SLC38A1: variants seen among roughly 807,000 people sequenced by gnomAD.
The protein encoded by SLC38A1 is sodium-coupled neutral amino acid symporter 1.
In SLC38A1, 18 loss-of-function variants were observed where a neutral mutation model predicts 60.3. The ratio of observed to expected loss-of-function variants is 0.30; its 90% CI spans 0.21 to 0.44. SLC38A1 has a LOEUF of 0.44. Among genes scored for constraint, SLC38A1 ranks in the 20% least tolerant of loss-of-function variants. SLC38A1 has a pLI of 1.00. For synonymous variants in SLC38A1, 196 were observed against 212.1 expected (o/e 0.92, Z 0.66); for missense variants, 448 against 587.2 (o/e 0.76, Z 2.45).
intron 16 of SLC38A1, among the ~76,000 whole-genome samples, chr12:46,189,910 T>G (rs749323907): frequency 5.5e-4 from 83 of 152,292 alleles, no homozygotes; most frequent in Non-Finnish European, 9.7e-4. Flanking sequence ...TTAAACCTCT[T>G]TCCTTTATAA....
At position 46,239,701 on chromosome 12, in the gene SLC38A1, C is replaced by A. The variant is rs764994598; in HGVS notation, c.100G>T (p.Val34Leu). The change falls in exon 3 of 17, where the codon GTA becomes TTA. Residue 34 changes from valine (V) to leucine (L), a missense_variant. Physicochemically the swap from Val to Leu is conservative, Grantham distance 32. This residue lies in a region of SLC38A1 where 102 missense variants were observed against 89.7 expected (regional missense o/e 1.14). Coordinates refer to ENST00000398637, the MANE Select transcript of SLC38A1 (RefSeq NM_030674.4). ...ISNDSNDFTE[V>L]ENGQINSKFI... ...CACCTATTTATCTGACCATTTTCTA[C>A]TTCGGTGAAATCATTGGAGTCATTG... is the stretch of plus-strand genomic sequence containing the variant. 6.2e-7 allele frequency: 1 copy of A among 1,613,746 alleles called. No homozygotes were observed. Among genetic ancestry groups the A allele is most frequent in the Non-Finnish European group, 8.5e-7 (1 of 1,179,956 alleles).
intron 3 of SLC38A1, among the ~76,000 whole-genome samples, chr12:46,233,191 T>A (rs1022675229): frequency 2.0e-4 from 31 of 151,908 alleles, no homozygotes; most frequent in African/African-American, 6.3e-4. Flanking sequence ...GCTTATCTTT[T>A]AAAAAAAATT....
chr12:46,240,961 G>A (rs892442981), intron 2 of SLC38A1, among the ~76,000 whole-genome samples: 6 of 152,142 alleles, frequency 3.9e-5, no homozygotes, highest in South Asian at 2.1e-4. Flanking sequence ...GCAGCCTCAC[G>A]AATTAAAAAG....
At chr12:46,205,457 T>G (rs1298455557) in intron 9 of SLC38A1, among the ~76,000 whole-genome samples, 1 of 152,112 alleles carries the variant, frequency 6.6e-6, no homozygotes, top group African/African-American at 2.4e-5. Context: ...ATTTTATAGG[T>G]TTTTGACTAG....
At chr12:46,239,648 T>C (rs900919269) in intron 3 of SLC38A1, 31 bp downstream of exon 3, 2 of 1,611,410 alleles carry the variant, frequency 1.2e-6, no homozygotes, top group Non-Finnish European at 1.7e-6. Context: ...TTTCTTTCAC[T>C]GGATAGAAAT....
chr12:46,223,076 C>T (rs1001566685), intron 5 of SLC38A1, among the ~76,000 whole-genome samples: 1 of 152,106 alleles, frequency 6.6e-6, no homozygotes, highest in African/African-American at 2.4e-5. Context: ...TAAAGTTTTT[C>T]TCAAGTTGTA....
chr12:46,196,147 C>G lies in SLC38A1; in HGVS notation c.1362+1573G>C, dbSNP rs754934345. The G allele has an allele frequency of 3.9e-6, 6 of 1,535,908 alleles. No homozygotes were observed. The South Asian group carries it at 7.1e-5, about 18-fold the overall frequency. On this transcript the variant is annotated intron_variant, in intron 16 of 16. Coordinates refer to ENST00000398637, the MANE Select transcript of SLC38A1 (RefSeq NM_030674.4). ...ACAGACTAATACAGATTACTAAATCCAGAATCCAGAGAACACAAGATTATA... is the reference window on the plus strand; with the variant it reads ...ACAGACTAATACAGATTACTAAATCGAGAATCCAGAGAACACAAGATTATA...
intron 3 of SLC38A1, among the ~76,000 whole-genome samples, chr12:46,235,617 A>T (rs1472566473): frequency 6.6e-6 from 1 of 152,164 alleles, no homozygotes; most frequent in Non-Finnish European, 1.5e-5. Flanking sequence ...TGAATACAGA[A>T]AGAAGTTATG....
In SLC38A1 at chr12:46,209,581, C is replaced by T. The variant is rs1248148578; in HGVS notation, c.315-454G>A. ...CATTCCCATCTCTGGATTCCTTGCCCATAATATAAAGATACAAGCCAAATG... is the reference window on the plus strand; with the variant it reads ...CATTCCCATCTCTGGATTCCTTGCCTATAATATAAAGATACAAGCCAAATG... On this transcript the variant is annotated intron_variant, in intron 5 of 16. Coordinates refer to ENST00000398637, the MANE Select transcript of SLC38A1 (RefSeq NM_030674.4). Among the ~76,000 whole-genome samples, 3 of 152,144 alleles carry T rather than the reference C, an allele frequency of 2.0e-5. No individual in the cohort carries two copies. In the East Asian group the frequency reaches 5.8e-4, roughly 29 times the overall value.
intron 2 of SLC38A1, among the ~76,000 whole-genome samples, chr12:46,242,767 G>A (rs1941488477): frequency 2.0e-5 from 3 of 152,038 alleles, no homozygotes; most frequent in Admixed American, 2.0e-4. Flanking sequence ...ATGCCACTGT[G>A]CTCCAACCTG....
chr12:46,211,439 C>T (rs2137332807), intron 5 of SLC38A1, among the ~76,000 whole-genome samples: 1 of 152,260 alleles, frequency 6.6e-6, no homozygotes, highest in African/African-American at 2.4e-5. Flanking sequence ...TACAAAAGGC[C>T]CTAACCCTGG....
chr12:46,249,513 C>CA (rs1192019602), intron 1 of SLC38A1, among the ~76,000 whole-genome samples: 2 of 151,752 alleles, frequency 1.3e-5, no homozygotes, highest in East Asian at 1.9e-4. Flanking sequence ...GATAGAGATA[C>CA]AAAAAAACCC....
intron 5 of SLC38A1, among the ~76,000 whole-genome samples, chr12:46,216,597 T>A (rs1317006732): frequency 6.6e-6 from 1 of 152,128 alleles, no homozygotes; most frequent in Non-Finnish European, 1.5e-5. Flanking sequence ...ACACCTGTAA[T>A]CCCAGCACTT....
chr12:46,229,077 AT>A, intron 5 of SLC38A1, 75 bp downstream of exon 5: 2 of 773,506 alleles, frequency 2.6e-6, no homozygotes, highest in Non-Finnish European at 4.2e-6. Context: ...AATATTTCAC[AT>A]TTCTTCTATG....
chr12:46,227,696 C>T, intron 5 of SLC38A1, among the ~76,000 whole-genome samples: 1 of 152,014 alleles, frequency 6.6e-6, no homozygotes, highest in African/African-American at 2.4e-5. Flanking sequence ...GAACATATTC[C>T]CAGCTTTGGA....
rs1478588904 is a variant in SLC38A1 at position 46,239,758 on chromosome 12, T to G, written c.43A>C (p.Asn15His). 6.2e-7 allele frequency: 1 copy of G among 1,613,504 alleles called. No homozygotes were observed. Among genetic ancestry groups the G allele is most frequent in the Non-Finnish European group, 8.5e-7 (1 of 1,179,974 alleles). The change falls in exon 3 of 17, where the codon AAC (asparagine) becomes CAC (histidine). Residue 15 changes from asparagine (N) to histidine (H), a missense_variant. Around this residue, in one of 2 missense-constraint regions of SLC38A1, gnomAD observed 102 missense variants for 89.7 expected, o/e 1.14. Transcript: ENST00000398637. The part of the protein sequence containing the change: ...KSGLELTELQ[N>H]MTVPEDDNIS... Reference sequence around the variant, plus strand: ...TTATCATCCTCGGGCACTGTCATGTTTTGCAACTCAGTTAATTCGAGTCCA... The same window carrying G: ...TTATCATCCTCGGGCACTGTCATGTGTTGCAACTCAGTTAATTCGAGTCCA...
At chr12:46,196,325 A>G in intron 16 of SLC38A1, 1 of 1,532,032 alleles carries the variant, frequency 6.5e-7, no homozygotes, top group Non-Finnish European at 8.7e-7. Context: ...TGCACATGGC[A>G]TACCATCCTG....
intron 3 of SLC38A1, among the ~76,000 whole-genome samples, chr12:46,230,083 A>G (rs180810416): frequency 6.6e-6 from 1 of 152,320 alleles, no homozygotes; most frequent in African/African-American, 2.4e-5. Flanking sequence ...TAATATCAAG[A>G]CTACTATAAA....
At position 46,185,424 on chromosome 12, in the gene SLC38A1, T is replaced by C. The variant is rs1192233828; in HGVS notation, c.*3546A>G. 6.6e-6 allele frequency: 1 copy of C among 152,044 alleles called. No homozygotes were observed. The highest frequency in any genetic ancestry group is 2.4e-5 in the African/African-American group (1 of 41,386). 9.4% of individuals were successfully genotyped at this position (152,044 alleles called of 1,614,324 possible). ...CACCATCACCCATCTGGGTGCTTCT[T>C]TTTCTCAACAGGGTCTGTAACTGTA... is the stretch of plus-strand genomic sequence containing the variant. On this transcript the variant is annotated 3_prime_UTR_variant, in exon 17 of 17. Transcript: ENST00000398637.
Sources: gnomAD v4.1 joint callset for allele counts (sites outside exome capture counted in the v4.1 genomes callset) on GRCh38, gnomAD v4.1.1 for gene constraint, gnomAD v4.1.1 regional missense constraint, MANE v1.5 for transcripts, NCBI Gene and HGNC (gene_info 2026-07-23, HGNC 2026-07-21) for gene names.